Variants in CDH19 observed in about 807,000 individuals in gnomAD.
CDH19 encodes cadherin 19.
In CDH19, 67 loss-of-function variants were observed where a neutral mutation model predicts 64.2. The ratio of observed to expected loss-of-function variants is 1.04; its 90% CI spans 0.86 to 1.28. The LOEUF (loss-of-function observed/expected upper bound fraction) is 1.28, where lower values mean the gene tolerates loss of function less well. CDH19 is among the 50% of genes most tolerant of loss of function. The probability of loss-of-function intolerance (pLI) is 0.00; values close to 1 mark genes in which losing one functional copy is unlikely to be tolerated. For synonymous variants in CDH19, 346 were observed against 319.3 expected (o/e 1.08, Z -0.89); for missense variants, 1,030 against 929.0 (o/e 1.11, Z -1.41).
intron 1 of CDH19, among the ~76,000 whole-genome samples, chr18:66,577,003 C>G (rs1988285724): frequency 6.6e-6 from 1 of 151,348 alleles, no homozygotes; most frequent in Non-Finnish European, 1.5e-5. Context: ...ATAAATCTAA[C>G]AAAAATGTGC....
rs148226336 is a variant in CDH19 at position 66,547,177 on chromosome 18, T to A, written c.776-2274A>T. Among the ~76,000 whole-genome samples the A allele has an allele frequency of 9.3e-4, 141 of 152,170 alleles. 1 individual carries two copies. In the East Asian group the frequency reaches 0.025, roughly 27 times the overall value. ...GTGCCATGTGCCAAAGTGCTAGGGATGGAGTTGGTGAGAAGTGTTCATATT... is the reference window on the plus strand; with the variant it reads ...GTGCCATGTGCCAAAGTGCTAGGGAAGGAGTTGGTGAGAAGTGTTCATATT... On this transcript the variant is annotated intron_variant, in intron 5 of 11. Coordinates refer to ENST00000262150, the MANE Select transcript of CDH19 (RefSeq NM_021153.4).
intron 5 of CDH19, among the ~76,000 whole-genome samples, chr18:66,548,894 C>T (rs923469986): frequency 1.3e-5 from 2 of 152,060 alleles, no homozygotes; most frequent in African/African-American, 4.8e-5. Flanking sequence ...CAATAATAAA[C>T]ATGTTTCGAT....
rs1292835564 is a variant in CDH19, at chr18:66,548,256, TATATA to T, written c.775+2833_775+2837del. On this transcript the variant is annotated intron_variant, in intron 5 of 11. Coordinates refer to ENST00000262150, the MANE Select transcript of CDH19 (RefSeq NM_021153.4). ...TCCTCTGAACCCCTTTATATATATA[TATATA>T]TTTTTTTAAAAATATATAATATATG... Among the ~76,000 whole-genome samples, 736 of 90,020 alleles carry T rather than the reference TATATA, an allele frequency of 8.2e-3. 3 individuals carry two copies. Among genetic ancestry groups the T allele is most frequent in the African/African-American group, 0.033 (652 of 19,836 alleles). The allele number at this position is 90,020 out of a possible 152,430, so 59.1% of individuals were successfully genotyped here.
rs114187724 is a variant in CDH19 at position 66,544,299 on chromosome 18, C to T, written c.961-75G>A. 1,620 of 1,410,304 alleles carry T rather than the reference C, an allele frequency of 1.1e-3. 16 individuals carry two copies. In the African/African-American group the frequency reaches 0.02, roughly 17 times the overall value. The allele number at this position is 1,410,304 out of a possible 1,614,324, so 87.4% of individuals were successfully genotyped here. A position where few individuals can be genotyped will look rare whatever the true frequency, so the allele number is the denominator to read the frequency against. ...ATACTATTTAGAAAAAAGGTTTTAC[C>T]TGTTAAATTAAGTCTCAGTGGCCTT... On this transcript the variant is annotated intron_variant, in intron 6 of 11. Transcript: ENST00000262150.
intron 2 of CDH19, among the ~76,000 whole-genome samples, chr18:66,569,909 A>AACAC (rs1173795840): frequency 6.6e-6 from 1 of 151,692 alleles, no homozygotes; most frequent in Non-Finnish European, 1.5e-5. Context: ...GGATAAATTA[A>AACAC]TACACTTTCT....
intron 1 of CDH19, among the ~76,000 whole-genome samples, chr18:66,603,139 A>C (rs572239447): frequency 2.5e-4 from 38 of 150,766 alleles, no homozygotes; most frequent in Admixed American, 1.3e-3. Context: ...CTATTTAGGT[A>C]TTTTTTGTTG....
intron 1 of CDH19, among the ~76,000 whole-genome samples, chr18:66,579,931 A>G (rs1988377305): frequency 6.6e-6 from 1 of 151,988 alleles, no homozygotes. Context: ...GGGTGTCTTG[A>G]GAAAAAGTAT....
chr18:66,534,785 A>G (rs1210782914), intron 8 of CDH19, among the ~76,000 whole-genome samples: 1 of 151,958 alleles, frequency 6.6e-6, no homozygotes, highest in Non-Finnish European at 1.5e-5. Context: ...TACTGTTATA[A>G]TTAGAAAATA....
chr18:66,566,749 A>T (rs1056564545), intron 3 of CDH19, among the ~76,000 whole-genome samples: 4 of 151,768 alleles, frequency 2.6e-5, no homozygotes, highest in African/African-American at 7.3e-5. Flanking sequence ...CCTTCTTCCT[A>T]CAACGCTTGC....
At chr18:66,596,472 A>G (rs922797253) in intron 1 of CDH19, among the ~76,000 whole-genome samples, 1 of 152,160 alleles carries the variant, frequency 6.6e-6, no homozygotes, top group African/African-American at 2.4e-5. Context: ...TACAATATCA[A>G]GGTACAAAAA....
In CDH19 at chr18:66,554,481, G is replaced by A. The variant is rs1325486634; in HGVS notation, c.534C>T (p.Pro178=). 1.2e-6 allele frequency: 2 copies of A among 1,610,282 alleles called. No homozygotes were observed. The highest frequency in any genetic ancestry group is 4.5e-5 in the East Asian group (2 of 44,766). ...IQVTASDADD[P]SSGNNARLLY... ...GGAGACGAGCATTATTACCACTTGA[G>A]GGATCGTCAGCATCACTTGCTGTCA... The change falls in exon 4 of 12, where the codon CCC becomes CCT. Residue 178 remains proline, a synonymous_variant. Coordinates refer to ENST00000262150, the MANE Select transcript of CDH19 (RefSeq NM_021153.4).
chr18:66,586,607 A>T lies in CDH19; in HGVS notation c.-112-14291T>A, dbSNP rs182122042. Among the ~76,000 whole-genome samples the T allele has an allele frequency of 3.8e-3, 581 of 152,058 alleles. 4 individuals are homozygous for T. The highest frequency in any genetic ancestry group is 8.2e-3 in the Admixed American group (125 of 15,268). ...AACAGTCCCCTTTCATTCCAAAAGC[A>T]CCTCTGTAGTACCATATAGAGGAGT... On this transcript the variant is annotated intron_variant, in intron 1 of 11. Coordinates refer to ENST00000262150, the MANE Select transcript of CDH19 (RefSeq NM_021153.4).
At chr18:66,547,262 G>GA (rs1216279672) in intron 5 of CDH19, among the ~76,000 whole-genome samples, 1 of 152,082 alleles carries the variant, frequency 6.6e-6, no homozygotes, top group Admixed American at 6.6e-5. Context: ...TTAACTCTGA[G>GA]AAAAAGAAAA....
intron 9 of CDH19, among the ~76,000 whole-genome samples, chr18:66,517,623 C>A (rs1286154413): frequency 6.6e-6 from 1 of 151,934 alleles, no homozygotes; most frequent in Non-Finnish European, 1.5e-5. Context: ...ACTACTCTGG[C>A]ATTTTTATTT....
At chr18:66,544,340 T>G (rs1377217801) in intron 6 of CDH19, 116 bp from the exon 7 acceptor site, 2 of 920,164 alleles carry the variant, frequency 2.2e-6, no homozygotes, top group Non-Finnish European at 3.2e-6. Context: ...TAGATTTTTC[T>G]TTTTATGTAC....
chr18:66,547,206 G>A (rs1196601017), intron 5 of CDH19, among the ~76,000 whole-genome samples: 1 of 152,084 alleles, frequency 6.6e-6, no homozygotes, highest in Non-Finnish European at 1.5e-5. Context: ...TCATATTTCG[G>A]ATATTTTCTA....
At chr18:66,565,921 T>C (rs1234046382) in intron 3 of CDH19, among the ~76,000 whole-genome samples, 1 of 151,970 alleles carries the variant, frequency 6.6e-6, no homozygotes, top group African/African-American at 2.4e-5. Context: ...TATGTATTGA[T>C]TACACAAATT....
chr18:66,597,721 TA>T (rs1232778953), intron 1 of CDH19, among the ~76,000 whole-genome samples: 13 of 152,042 alleles, frequency 8.6e-5, no homozygotes, highest in Admixed American at 3.3e-4. Flanking sequence ...CCAGAATCTA[TA>T]AGGTACTTAA....
chr18:66,603,505 TA>T (rs1017201653), intron 1 of CDH19, among the ~76,000 whole-genome samples: 45 of 129,664 alleles, frequency 3.5e-4, no homozygotes, highest in African/African-American at 9.9e-4. Flanking sequence ...TTATTCTGTA[TA>T]TATTTTTTCT....
Sources: gnomAD v4.1 joint callset for allele counts (sites outside exome capture counted in the v4.1 genomes callset) on GRCh38, gnomAD v4.1.1 for gene constraint, MANE v1.5 for transcripts, NCBI Gene and HGNC (gene_info 2026-07-23, HGNC 2026-07-21) for gene names.